The following PAX5 variants were observed in gnomAD, a reference collection of about 807,000 sequenced individuals.
PAX5 encodes the protein paired box protein Pax-5.
Under a neutral mutation model 43.7 loss-of-function variants are expected in PAX5, and 9 were observed. That is an observed-to-expected ratio of 0.21 (90% CI 0.12 to 0.36). The LOEUF (loss-of-function observed/expected upper bound fraction) is 0.36, where lower values mean the gene tolerates loss of function less well. Among genes scored for constraint, PAX5 ranks in the 10% least tolerant of loss-of-function variants. The probability of loss-of-function intolerance (pLI) is 1.00; values close to 1 mark genes in which losing one functional copy is unlikely to be tolerated. For synonymous variants in PAX5, 228 were observed against 214.3 expected (o/e 1.06, Z -0.56); for missense variants, 383 against 532.7 (o/e 0.72, Z 2.77).
chr9:37,020,711 T>C lies in PAX5; in HGVS notation c.137A>G (p.His46Arg). The C allele has an allele frequency of 6.2e-7, 1 of 1,614,208 alleles. No individual in the cohort carries two copies. Among genetic ancestry groups the C allele is most frequent in the Non-Finnish European group, 8.5e-7 (1 of 1,180,044 alleles). ...GATGTCGCAGGGCCTGACACCTTGA[T>C]GAGCAAGTTCCACTATCCTCTGGCG... ...VVRQRIVELA[H>R]QGVRPCDISR... Residue 46 changes from histidine (H) to arginine (R), a missense_variant, in exon 2 of 10, where the codon CAT becomes CGT. By Grantham distance (29) the His-to-Arg change is conservative. This residue lies in a region of PAX5 where 54 missense variants were observed against 68.6 expected (regional missense o/e 0.79). Transcript: ENST00000358127.
chr9:37,033,996 G>T lies in PAX5; in HGVS notation c.36C>A (p.Thr12=). The T allele has an allele frequency of 3.1e-6, 5 of 1,611,434 alleles. No individual in the cohort carries two copies. Among genetic ancestry groups the T allele is most frequent in the Non-Finnish European group, 4.2e-6 (5 of 1,179,492 alleles). ...GTATCGCGGTCCTACCTGTCCTGCT[G>T]GTCCGAGGAGTCGGATAATTTTTCT... The part of the protein sequence containing the change: ...DLEKNYPTPR[T]SRTGHGGVNQ... Residue 12 remains threonine (T), a synonymous_variant, in exon 1 of 10, where the codon ACC becomes ACA. Transcript: ENST00000358127.
chr9:36,968,863 AT>A (rs1423308543), intron 5 of PAX5, among the ~76,000 whole-genome samples: 1 of 152,156 alleles, frequency 6.6e-6, no homozygotes, highest in Non-Finnish European at 1.5e-5. Flanking sequence ...GTGTTCTTCC[AT>A]TGGTCAGCAC....
intron 8 of PAX5, among the ~76,000 whole-genome samples, chr9:36,866,797 G>A (rs185618288): frequency 1.3e-5 from 2 of 152,120 alleles, no homozygotes; most frequent in South Asian, 4.2e-4. Flanking sequence ...GATTTCTAAG[G>A]TTGAGTCCAG....
Position 37,008,235 on chromosome 9 carries a change from G to A in PAX5, c.411-1698C>T, listed in dbSNP as rs185409382. ...CCACTGCCTAATTTTTGTATTTTTA[G>A]TAAAGAAGAGGTTTCACCACGTTAG... On this transcript the variant is annotated intron_variant, in intron 3 of 9. Transcript: ENST00000358127. 4.5e-3 allele frequency among the ~76,000 whole-genome samples: 683 copies of A among 152,160 alleles called. 2 individuals are homozygous for A. Among genetic ancestry groups the A allele is most frequent in the Non-Finnish European group, 7.0e-3 (474 of 67,996 alleles).
At chr9:36,920,470 C>T (rs751876070) in intron 7 of PAX5, among the ~76,000 whole-genome samples, 3 of 152,192 alleles carry the variant, frequency 2.0e-5, no homozygotes, top group East Asian at 1.9e-4. Context: ...AAAAAGATGA[C>T]TCACTGAAGG....
intron 5 of PAX5, among the ~76,000 whole-genome samples, chr9:36,997,833 T>C (rs1837518828): frequency 6.6e-6 from 1 of 152,214 alleles, no homozygotes; most frequent in African/African-American, 2.4e-5. Flanking sequence ...GCCCCTGCCC[T>C]GTCAAGTCCA....
At chr9:37,026,204 C>T in intron 1 of PAX5, among the ~76,000 whole-genome samples, 1 of 152,268 alleles carries the variant, frequency 6.6e-6, no homozygotes, top group East Asian at 1.9e-4. Flanking sequence ...CTACAACTTA[C>T]TGCCCTCCAA....
chr9:36,840,496 G>A lies in PAX5; in HGVS notation c.*64C>T, dbSNP rs1343587418. The A allele has an allele frequency of 6.7e-7, 1 of 1,482,998 alleles. No individual in the cohort carries two copies. Among genetic ancestry groups the A allele is most frequent in the African/African-American group, 1.4e-5 (1 of 72,600 alleles). The allele number at this position is 1,482,998 out of a possible 1,614,324, so 91.9% of individuals were successfully genotyped here. ...ATGGGCTCTCTGGCTATCTTCAGGAGGGCTGGGTGGCTGTCACCCTCAATA... is the reference window on the plus strand; with the variant it reads ...ATGGGCTCTCTGGCTATCTTCAGGAAGGCTGGGTGGCTGTCACCCTCAATA... On this transcript the variant is annotated 3_prime_UTR_variant, in exon 10 of 10. Coordinates refer to ENST00000358127, the MANE Select transcript of PAX5 (RefSeq NM_016734.3).
intron 5 of PAX5, among the ~76,000 whole-genome samples, chr9:36,995,864 C>T (rs1837347174): frequency 6.6e-6 from 1 of 152,124 alleles, no homozygotes; most frequent in African/African-American, 2.4e-5. Context: ...ACCCTGGAGG[C>T]CTCCACCCCC....
At chr9:37,009,723 G>T (rs1254228756) in intron 3 of PAX5, among the ~76,000 whole-genome samples, 28 of 152,052 alleles carry the variant, frequency 1.8e-4, no homozygotes, top group Admixed American at 1.8e-3. Context: ...TGTTTGAGGG[G>T]ATGCATACCC....
intron 5 of PAX5, among the ~76,000 whole-genome samples, chr9:36,967,406 T>C (rs1018403587): frequency 3.3e-5 from 5 of 152,154 alleles, no homozygotes; most frequent in Non-Finnish European, 5.9e-5. Flanking sequence ...ATGTACAAGG[T>C]TCTTGTAGCA....
At position 36,927,839 on chromosome 9, in the gene PAX5, G is replaced by T. The variant is rs1368724447; in HGVS notation, c.781-4355C>A. ...TTCTCCTGCCTCAGCCTCCCAAGTG[G>T]CTGGGATTACAGACACATGCCACCA... On this transcript the variant is annotated intron_variant, in intron 6 of 9. Coordinates refer to ENST00000358127, the MANE Select transcript of PAX5 (RefSeq NM_016734.3). Among the ~76,000 whole-genome samples the T allele has an allele frequency of 2.6e-5, 4 of 152,232 alleles. 1 individual carries two copies. In the Middle Eastern group the frequency reaches 0.01, roughly 388 times the overall value.
chr9:36,898,151 C>T (rs1828032728), intron 7 of PAX5, among the ~76,000 whole-genome samples: 1 of 152,156 alleles, frequency 6.6e-6, no homozygotes, highest in African/African-American at 2.4e-5. Context: ...AGGAACAAGG[C>T]AGTCTTCTGG....
At chr9:36,915,747 TAAAA>T (rs34603520) in intron 7 of PAX5, among the ~76,000 whole-genome samples, 21,621 of 151,986 alleles carry the variant, frequency 0.14, 1,679 homozygotes, top group Non-Finnish European at 0.17. Flanking sequence ...GAATATAGTT[TAAAA>T]AAGACTTTTC....
At chr9:36,875,077 A>G (rs1178349831) in intron 8 of PAX5, among the ~76,000 whole-genome samples, 1 of 152,140 alleles carries the variant, frequency 6.6e-6, no homozygotes, top group African/African-American at 2.4e-5. Flanking sequence ...AGAACCAGGG[A>G]GTCTGGCTCA....
chr9:37,025,277 C>T (rs2132527607), intron 1 of PAX5, among the ~76,000 whole-genome samples: 1 of 152,334 alleles, frequency 6.6e-6, no homozygotes, highest in Middle Eastern at 3.4e-3. Context: ...ACAAGCTTTC[C>T]CCTGCTTGCC....
chr9:36,913,730 C>G (rs1418559672), intron 7 of PAX5, among the ~76,000 whole-genome samples: 1 of 152,190 alleles, frequency 6.6e-6, no homozygotes, highest in Non-Finnish European at 1.5e-5. Flanking sequence ...CCCTGAGCAG[C>G]CCAGAGTGTG....
intron 8 of PAX5, among the ~76,000 whole-genome samples, chr9:36,866,518 G>A (rs1474342519): frequency 6.6e-6 from 1 of 152,168 alleles, no homozygotes; most frequent in Non-Finnish European, 1.5e-5. Flanking sequence ...GAGAGGATCT[G>A]CATTCAGGAA....
chr9:36,950,112 C>A (rs1394450469), intron 6 of PAX5, among the ~76,000 whole-genome samples: 2 of 152,222 alleles, frequency 1.3e-5, no homozygotes, highest in Non-Finnish European at 2.9e-5. Flanking sequence ...TCCTTGCATG[C>A]TCTCATCCTG....
Sources: gnomAD v4.1 joint callset for allele counts (sites outside exome capture counted in the v4.1 genomes callset) on GRCh38, gnomAD v4.1.1 for gene constraint, gnomAD v4.1.1 regional missense constraint, MANE v1.5 for transcripts, NCBI Gene and HGNC (gene_info 2026-07-23, HGNC 2026-07-21) for gene names.